KCNK2: variants seen among roughly 807,000 people sequenced by gnomAD.
The protein encoded by KCNK2 is potassium channel subfamily K member 2.
KCNK2 carries 21 observed loss-of-function variants against 40.5 expected under a neutral mutation model. The observed-to-expected ratio is 0.52, with a 90% CI of 0.37 to 0.75. The LOEUF is 0.75. KCNK2 is among the 30% of genes least tolerant of loss of function. KCNK2 has a pLI of 0.00. For missense variants in KCNK2, 399 were observed against 531.6 expected (o/e 0.75, Z 2.45); for synonymous variants, 191 against 202.2 (o/e 0.94, Z 0.47).
chr1:215,219,288 T>C (rs1004266937), intron 6 of KCNK2, among the ~76,000 whole-genome samples: 1 of 152,248 alleles, frequency 6.6e-6, no homozygotes, highest in Non-Finnish European at 1.5e-5. Flanking sequence ...GGCCTTCATA[T>C]ATGTTGCATG....
At chr1:215,087,569 C>T (rs1335435884) in intron 2 of KCNK2, among the ~76,000 whole-genome samples, 8 of 152,184 alleles carry the variant, frequency 5.3e-5, no homozygotes, top group Non-Finnish European at 8.8e-5. Flanking sequence ...CAAGGAGTGA[C>T]TTGACTGGTT....
At chr1:215,027,343 A>C (rs767372407) in intron 1 of KCNK2, among the ~76,000 whole-genome samples, 1 of 152,110 alleles carries the variant, frequency 6.6e-6, no homozygotes, top group Non-Finnish European at 1.5e-5. Context: ...GATTCTTTCT[A>C]TCGTTTCGAT....
intron 6 of KCNK2, among the ~76,000 whole-genome samples, chr1:215,211,579 G>C (rs994568817): frequency 1.3e-5 from 2 of 152,106 alleles, no homozygotes; most frequent in African/African-American, 4.8e-5. Flanking sequence ...AGTATTTCTT[G>C]TAAGACAAGC....
chr1:215,045,887 ACAGT>A (rs1310432403), intron 1 of KCNK2, among the ~76,000 whole-genome samples: 1 of 152,210 alleles, frequency 6.6e-6, no homozygotes, highest in Non-Finnish European at 1.5e-5. Flanking sequence ...TAATATCAGT[ACAGT>A]CAATTTGCAG....
chr1:215,210,095 A>G (rs1352694286), intron 6 of KCNK2, among the ~76,000 whole-genome samples: 1 of 70,882 alleles, frequency 1.4e-5, no homozygotes, highest in Non-Finnish European at 2.6e-5. Flanking sequence ...CTATATATAA[A>G]TATATATGTA....
At chr1:215,028,374 A>C (rs1657069434) in intron 1 of KCNK2, among the ~76,000 whole-genome samples, 1 of 152,184 alleles carries the variant, frequency 6.6e-6, no homozygotes, top group Non-Finnish European at 1.5e-5. Flanking sequence ...GACAAGGGCA[A>C]AACTCCATCT....
At chr1:215,143,487 C>T (rs1289351910) in intron 3 of KCNK2, among the ~76,000 whole-genome samples, 1 of 152,124 alleles carries the variant, frequency 6.6e-6, no homozygotes, top group Non-Finnish European at 1.5e-5. Context: ...GTGGTATGTG[C>T]CAGGTTTTAA....
chr1:215,071,520 C>T (rs942361238), intron 1 of KCNK2, among the ~76,000 whole-genome samples: 5 of 152,128 alleles, frequency 3.3e-5, no homozygotes, highest in Non-Finnish European at 7.4e-5. Context: ...GGACTAGAAA[C>T]ACATCCCCAT....
At chr1:215,048,719 G>T (rs1418441693) in intron 1 of KCNK2, among the ~76,000 whole-genome samples, 2 of 152,152 alleles carry the variant, frequency 1.3e-5, no homozygotes, top group Non-Finnish European at 1.5e-5. Flanking sequence ...CAAGAGGACA[G>T]TAGGGATTAA....
intron 3 of KCNK2, among the ~76,000 whole-genome samples, chr1:215,162,316 A>G (rs555741468): frequency 2.0e-5 from 3 of 152,252 alleles, no homozygotes; most frequent in South Asian, 4.1e-4. Context: ...GATTCTGGAT[A>G]TTAGCCCTTT....
At chr1:215,166,123 G>A (rs894531977) in intron 3 of KCNK2, among the ~76,000 whole-genome samples, 2 of 152,078 alleles carry the variant, frequency 1.3e-5, no homozygotes, top group African/African-American at 4.8e-5. Flanking sequence ...TAAACATGCA[G>A]TTACCTCACA....
rs1048452275 is a variant in KCNK2, at chr1:215,030,405, T to C, written c.34+24450T>C. On this transcript the variant is annotated intron_variant, in intron 1 of 6. Coordinates refer to the KCNK2 transcript ENST00000391895. ...TGCCAAGCAGAAAATTTTAATTTAA[T>C]AAACTTTATTGTTTATACATACTTT... Among the ~76,000 whole-genome samples, 84 of 152,206 alleles carry C rather than the reference T, an allele frequency of 5.5e-4. 1 individual carries two copies. The highest frequency in any genetic ancestry group is 1.9e-3 in the African/African-American group (79 of 41,460).
chr1:215,121,948 A>C (rs1235843110), intron 2 of KCNK2, among the ~76,000 whole-genome samples: 1 of 152,236 alleles, frequency 6.6e-6, no homozygotes, highest in Non-Finnish European at 1.5e-5. Context: ...AACTGGCACA[A>C]ACAGAAGATC....
At chr1:215,120,747 G>C (rs142224765) in intron 2 of KCNK2, among the ~76,000 whole-genome samples, 42 of 152,208 alleles carry the variant, frequency 2.8e-4, no homozygotes, top group African/African-American at 9.4e-4. Context: ...TAGCCTATGA[G>C]TTCACTAGAT....
chr1:215,006,430 A>C (rs1293968207), intron 1 of KCNK2, among the ~76,000 whole-genome samples: 1 of 152,196 alleles, frequency 6.6e-6, no homozygotes, highest in Non-Finnish European at 1.5e-5. Flanking sequence ...AAGGTGGCTT[A>C]GAATCTTGGA....
At chr1:215,037,517 C>T (rs1025776045) in intron 1 of KCNK2, among the ~76,000 whole-genome samples, 1 of 151,810 alleles carries the variant, frequency 6.6e-6, no homozygotes, top group Non-Finnish European at 1.5e-5. Context: ...TGCAAGATTT[C>T]GATAAGGGTT....
At chr1:215,057,358 T>C (rs1483427487) in intron 1 of KCNK2, among the ~76,000 whole-genome samples, 4 of 152,180 alleles carry the variant, frequency 2.6e-5, no homozygotes, top group Non-Finnish European at 5.9e-5. Flanking sequence ...GCAGAGGAAC[T>C]GAACTGGAGG....
At chr1:215,062,436 A>G (rs1013841341) in intron 1 of KCNK2, among the ~76,000 whole-genome samples, 1 of 152,024 alleles carries the variant, frequency 6.6e-6, no homozygotes, top group Admixed American at 6.6e-5. Context: ...AGTCTACAAC[A>G]TCAGATATTT....
chr1:215,137,017 C>T (rs1160495583), intron 3 of KCNK2, among the ~76,000 whole-genome samples: 2 of 151,962 alleles, frequency 1.3e-5, no homozygotes, highest in African/African-American at 4.8e-5. Context: ...AATATTGACT[C>T]CTATTGTGTT....
Sources: gnomAD v4.1 joint callset for allele counts (sites outside exome capture counted in the v4.1 genomes callset) on GRCh38, gnomAD v4.1.1 for gene constraint, MANE v1.5 for transcripts, NCBI Gene and HGNC (gene_info 2026-07-23, HGNC 2026-07-21) for gene names.